Variants in ADAMTS13 observed in about 807,000 individuals in gnomAD.
ADAMTS13 encodes the protein ADAM metallopeptidase with thrombospondin type 1 motif 13, also known as A disintegrin and metalloproteinase with thrombospondin motifs 13.
A neutral mutation model predicts 155.1 loss-of-function variants in ADAMTS13; 110 were observed. The ratio of observed to expected loss-of-function variants is 0.71; its 90% confidence interval spans 0.61 to 0.83. The LOEUF is 0.83. Ranked by LOEUF, ADAMTS13 falls within the 40% of genes least tolerant of loss-of-function variation. The pLI is 0.00. For synonymous variants in ADAMTS13, 758 were observed against 756.4 expected, an observed-to-expected ratio of 1.00 and a Z score of -0.03; for missense variants, 1,707 against 1,891.7, an observed-to-expected ratio of 0.90 and a Z score of 1.81.
At chr9:133,429,766 T>C (rs907657092) in intron 7 of ADAMTS13, 173 bp from the exon 8 acceptor site, 42 of 889,656 alleles carry the variant, frequency 4.7e-5, no homozygotes, top group Non-Finnish European at 7.2e-5. Context: ...GCCTTAGTCT[T>C]GGTCCCAGCC....
chr9:133,454,429 C>T lies in ADAMTS13; in HGVS notation c.3059C>T (p.Ser1020Phe). 2 of 1,613,862 alleles carry T rather than the reference C, an allele frequency of 1.2e-6. No individual in the cohort carries two copies. The highest frequency in any genetic ancestry group is 1.7e-6 in the Non-Finnish European group (2 of 1,180,018). The part of the protein sequence containing the change: ...EPCPPRWKVM[S>F]LGPCSASCGL... ...TCTTCCTGCAGGTGGAAAGTCATGTCCCTTGGCCCATGTTCGGCCAGCTGT... is the reference window on the plus strand; with the variant it reads ...TCTTCCTGCAGGTGGAAAGTCATGTTCCTTGGCCCATGTTCGGCCAGCTGT... Residue 1020 changes from serine (S) to phenylalanine (F), a missense_variant, in exon 24 of 29, where the codon TCC (serine) becomes TTC (phenylalanine). By Grantham distance (155) the Ser-to-Phe change is radical (BLOSUM62 -2). Transcript: ENST00000355699.
intron 8 of ADAMTS13, 25 bp downstream of exon 8, chr9:133,430,126 G>T: frequency 6.4e-7 from 1 of 1,561,684 alleles, no homozygotes; most frequent in East Asian, 2.3e-5. Flanking sequence ...GGTGGCCTGG[G>T]ATTGGCTGTG....
At chr9:133,446,900 G>A (rs1417646495) in intron 21 of ADAMTS13, among the ~76,000 whole-genome samples, 2 of 151,972 alleles carry the variant, frequency 1.3e-5, no homozygotes, top group South Asian at 2.1e-4. Context: ...TTCTGTTGCC[G>A]AGGCTGGAGT....
rs782453982 is a variant in ADAMTS13, at chr9:133,449,802, G to T, written c.2881G>T (p.Ala961Ser). Reference protein sequence around the residue: ...CPARWQYKLAACSVSCGRGVV... With the variant: ...CPARWQYKLASCSVSCGRGVV... ...CTCCAGGTGGCAGTACAAGCTGGCG[G>T]CCTGCAGCGTGAGCTGTGGGAGAGG... The change falls in exon 23 of 29, where the codon GCC becomes TCC. Residue 961 changes from alanine to serine, a missense_variant. Ala to Ser is a moderately conservative substitution (Grantham distance 99). This residue lies in a region of ADAMTS13 where 961 missense variants were observed against 1,107.9 expected (regional missense o/e 0.87). Coordinates refer to ENST00000355699, the MANE Select transcript of ADAMTS13 (RefSeq NM_139027.6). 6.2e-7 allele frequency: 1 copy of T among 1,613,998 alleles called. No homozygotes were observed. Among genetic ancestry groups the T allele is most frequent in the South Asian group, 1.1e-5 (1 of 91,088 alleles).
chr9:133,459,226 G>T lies in ADAMTS13; in HGVS notation c.*46G>T. ...CGTGTCTGGCCAGCCCTGGAGGGTT[G>T]ACCCCTGGTCTCAGTGCTTTCCAAT... On this transcript the variant is annotated 3_prime_UTR_variant, in exon 29 of 29. Coordinates refer to ENST00000355699, the MANE Select transcript of ADAMTS13 (RefSeq NM_139027.6). 1 of 1,546,532 alleles carries T rather than the reference G, an allele frequency of 6.5e-7. No homozygotes were observed. The highest frequency in any genetic ancestry group is 8.8e-7 in the Non-Finnish European group (1 of 1,137,080).
chr9:133,457,399 T>C (rs1842812654), intron 27 of ADAMTS13, among the ~76,000 whole-genome samples: 1 of 152,200 alleles, frequency 6.6e-6, no homozygotes, highest in Non-Finnish European at 1.5e-5. Flanking sequence ...GAGAGCCGTG[T>C]ATGTGTCCCA....
rs782647983 is a variant in ADAMTS13 at position 133,439,393 on chromosome 9, C to G, written c.1733C>G (p.Pro578Arg). 1 of 1,614,098 alleles carries G rather than the reference C, an allele frequency of 6.2e-7. No homozygotes were observed. Among genetic ancestry groups the G allele is most frequent in the Non-Finnish European group, 8.5e-7 (1 of 1,179,932 alleles). The change falls in exon 15 of 29, where the codon CCC becomes CGC. Residue 578 changes from proline to arginine, a missense_variant. Physicochemically the swap from Pro to Arg is moderately radical, Grantham distance 103 (BLOSUM62 -2). Around this residue, in one of 3 missense-constraint regions of ADAMTS13, gnomAD observed 961 missense variants for 1,107.9 expected, o/e 0.87. Coordinates refer to ENST00000355699, the MANE Select transcript of ADAMTS13 (RefSeq NM_139027.6). ...REYVTFLTVTPNLTSVYIANH... is the reference protein window; with the variant it reads ...REYVTFLTVTRNLTSVYIANH... ...TATGTCACGTTTCTGACAGTTACCC[C>G]CAACCTGACCAGTGTCTACATTGCC...
intron 7 of ADAMTS13, among the ~76,000 whole-genome samples, chr9:133,429,064 A>G (rs1249296627): frequency 2.3e-5 from 3 of 129,256 alleles, no homozygotes; most frequent in Admixed American, 1.5e-4. Flanking sequence ...TTCCTGTCCT[A>G]CCTCTCCATC....
intron 7 of ADAMTS13, chr9:133,429,589 C>T: frequency 2.6e-6 from 1 of 390,690 alleles, no homozygotes; most frequent in South Asian, 2.0e-5. Context: ...CTCCACGCTC[C>T]ATCAGTCCCA....
In ADAMTS13 at chr9:133,435,981, T is replaced by C. The variant is rs1028497798; in HGVS notation, c.1309-848T>C. ...TGTTGTTTTTTCTTTTCTCTTCTTTTTTTTTTTTTTTTTTTTAATAGAGAT... is the reference window on the plus strand; with the variant it reads ...TGTTGTTTTTTCTTTTCTCTTCTTTCTTTTTTTTTTTTTTTTAATAGAGAT... On this transcript the variant is annotated intron_variant, in intron 11 of 28. Coordinates refer to ENST00000355699, the MANE Select transcript of ADAMTS13 (RefSeq NM_139027.6). Among the ~76,000 whole-genome samples the C allele has an allele frequency of 1.8e-3, 269 of 148,798 alleles. 2 individuals are homozygous for C. The East Asian group carries it at 0.02, about 11-fold the overall frequency.
intron 7 of ADAMTS13, chr9:133,429,718 G>T (rs1409632558): frequency 1.4e-5 from 10 of 711,532 alleles, no homozygotes; most frequent in Non-Finnish European, 2.3e-5. Flanking sequence ...CTCCGTCGCC[G>T]CTCCCTCTGC....
At chr9:133,457,775 A>G in intron 27 of ADAMTS13, 135 bp from the exon 28 acceptor site, 1 of 1,132,060 alleles carries the variant, frequency 8.8e-7, no homozygotes, top group South Asian at 1.3e-5. Context: ...GGTGGGGTTC[A>G]GCAGGATTTG....
At position 133,456,794 on chromosome 9, in the gene ADAMTS13, T is replaced by C. The variant is rs916050532; in HGVS notation, c.3724+75T>C. On this transcript the variant is annotated intron_variant, in intron 27 of 28. Transcript: ENST00000355699. The surrounding 1 kb of genome is among the most constrained non-coding windows in gnomAD (Gnocchi z 4.4). The stretch of plus-strand genomic sequence containing the variant: ...GAGGCTGGGTGGGTGCTGCTGGGGA[T>C]GGGGCCAGTCCCAGTGGGGCAGTGG... The C allele has an allele frequency of 2.0e-6, 3 of 1,517,584 alleles. No homozygotes were observed. The Admixed American group carries it at 5.9e-5, about 30-fold the overall frequency. 94.0% of individuals were successfully genotyped at this position (1,517,584 alleles called of 1,614,324 possible). A position where few individuals can be genotyped will look rare whatever the true frequency, so the allele number is the denominator to read the frequency against.
chr9:133,442,780 G>A, intron 18 of ADAMTS13, 37 bp downstream of exon 18: 2 of 1,601,356 alleles, frequency 1.2e-6, no homozygotes, highest in Non-Finnish European at 1.7e-6. Flanking sequence ...CCAAGGGGGA[G>A]AGAGGGTTCC....
At chr9:133,435,607 C>T (rs587597461) in intron 11 of ADAMTS13, among the ~76,000 whole-genome samples, 2 of 151,014 alleles carry the variant, frequency 1.3e-5, no homozygotes, top group South Asian at 2.1e-4. Context: ...TCGGCTCACT[C>T]TAAGCTCCGC....
At chr9:133,436,797 G>T in intron 11 of ADAMTS13, 32 bp from the exon 12 acceptor site, 1 of 1,049,448 alleles carries the variant, frequency 9.5e-7, no homozygotes, top group Non-Finnish European at 1.3e-6. Flanking sequence ...CCGCCCCACC[G>T]CCATCCCCCT....
chr9:133,427,422 G>A (rs1024408880), intron 6 of ADAMTS13, among the ~76,000 whole-genome samples: 4 of 152,314 alleles, frequency 2.6e-5, no homozygotes, highest in African/African-American at 9.6e-5. Flanking sequence ...AGTAAAAAGT[G>A]AATTTCCACA....
At chr9:133,419,832 G>A (rs587608514), upstream of ADAMTS13, among the ~76,000 whole-genome samples, 386 of 152,150 alleles carry the variant, frequency 2.5e-3, 2 homozygotes, top group African/African-American at 8.9e-3. Context: ...TCCACCTCCC[G>A]GGTTCAAGCG....
chr9:133,434,197 C>T (rs1323074464), intron 11 of ADAMTS13, among the ~76,000 whole-genome samples: 4 of 152,190 alleles, frequency 2.6e-5, no homozygotes, highest in Non-Finnish European at 2.9e-5. Context: ...TGAAGCGTCC[C>T]GCCTCCCTCC....
Sources: gnomAD v4.1 joint callset for allele counts (sites outside exome capture counted in the v4.1 genomes callset) on GRCh38, gnomAD v4.1.1 for gene constraint, gnomAD v4.1.1 regional missense constraint, Gnocchi (gnomAD v3.1) non-coding constraint, MANE v1.5 for transcripts, NCBI Gene and HGNC (gene_info 2026-07-23, HGNC 2026-07-21) for gene names.